Variants in FRMD4A observed in about 807,000 individuals in gnomAD.
FRMD4A encodes the protein FERM domain-containing protein 4A.
Under a neutral mutation model 129.1 loss-of-function variants are expected in FRMD4A, and 29 were observed. The observed-to-expected ratio is 0.22, with a 90% CI of 0.17 to 0.31. The LOEUF (loss-of-function observed/expected upper bound fraction) is 0.31, where lower values mean the gene tolerates loss of function less well. Ranked by LOEUF, FRMD4A falls within the 10% of genes least tolerant of loss-of-function variation. FRMD4A has a pLI of 1.00. For missense variants in FRMD4A, 1,272 were observed against 1,375.8 expected (o/e 0.92, Z 1.19); for synonymous variants, 634 against 571.6 (o/e 1.11, Z -1.56).
chr10:14,298,207 C>T (rs1401006083), intron 2 of FRMD4A, among the ~76,000 whole-genome samples: 2 of 152,190 alleles, frequency 1.3e-5, no homozygotes, highest in African/African-American at 4.8e-5. Flanking sequence ...CCATCCTCTG[C>T]ACCATATCAA....
intron 2 of FRMD4A, among the ~76,000 whole-genome samples, chr10:14,137,125 G>A (rs562404190): frequency 2.0e-5 from 3 of 152,360 alleles, no homozygotes; most frequent in East Asian, 1.9e-4. Context: ...GCAGACATGA[G>A]CAAATGTTCA....
chr10:13,969,143 G>A (rs972414339), intron 2 of FRMD4A, among the ~76,000 whole-genome samples: 19 of 152,278 alleles, frequency 1.2e-4, no homozygotes, highest in African/African-American at 2.6e-4. Context: ...CAGGCCCCTC[G>A]GCCTGGCTCT....
chr10:14,319,367 T>TCTCTCTCTCTCTCA (rs112041665), intron 2 of FRMD4A, among the ~76,000 whole-genome samples: 23 of 145,050 alleles, frequency 1.6e-4, no homozygotes, highest in African/African-American at 2.7e-4. Flanking sequence ...TCTCTCTCTC[T>TCTCTCTCTCTCTCA]CACACACACA....
rs1554916835 is a variant in FRMD4A, at chr10:13,818,341, A to AT, written c.112-7434dup. On this transcript the variant is annotated intron_variant, in intron 3 of 24. Transcript: ENST00000357447. ...ACCATGGCTGGCTAATTAAAAAAAA[A>AT]TTTTTTTTTGTAAAGATGGATTCTT... Among the ~76,000 whole-genome samples, 47 of 151,440 alleles carry AT rather than the reference A, an allele frequency of 3.1e-4. 1 individual carries two copies. The highest frequency in any genetic ancestry group is 2.3e-3 in the South Asian group (11 of 4,770).
At chr10:14,185,783 C>T (rs1376758670) in intron 2 of FRMD4A, among the ~76,000 whole-genome samples, 1 of 152,102 alleles carries the variant, frequency 6.6e-6, no homozygotes, top group Non-Finnish European at 1.5e-5. Flanking sequence ...CAGATACGTA[C>T]AATCCAGACT....
chr10:14,066,858 G>C (rs1458141252), intron 2 of FRMD4A, among the ~76,000 whole-genome samples: 1 of 152,146 alleles, frequency 6.6e-6, no homozygotes, highest in African/African-American at 2.4e-5. Flanking sequence ...ACTTCTTTCC[G>C]TTCCGACTAA....
intron 2 of FRMD4A, among the ~76,000 whole-genome samples, chr10:14,268,630 G>A (rs1845058968): frequency 1.3e-5 from 2 of 152,208 alleles, no homozygotes; most frequent in Admixed American, 1.3e-4. Flanking sequence ...AATATTTTGA[G>A]AAAGCCATTT....
intron 12 of FRMD4A, among the ~76,000 whole-genome samples, chr10:13,734,711 A>G (rs1157781311): frequency 6.6e-6 from 1 of 152,150 alleles, no homozygotes; most frequent in Non-Finnish European, 1.5e-5. Context: ...ACAGATTCCT[A>G]TTACACCACT....
At chr10:13,694,253 T>G (rs74121838) in intron 14 of FRMD4A, among the ~76,000 whole-genome samples, 2,436 of 152,320 alleles carry the variant, frequency 0.016, 56 homozygotes, top group African/African-American at 0.055. Context: ...CTGCATCAAT[T>G]GAGGATGTTC....
At chr10:14,052,855 C>T (rs982805397) in intron 2 of FRMD4A, among the ~76,000 whole-genome samples, 22 of 152,086 alleles carry the variant, frequency 1.4e-4, no homozygotes, top group South Asian at 4.1e-4. Flanking sequence ...TGAGCCACTG[C>T]GCTCAGCCAC....
intron 2 of FRMD4A, among the ~76,000 whole-genome samples, chr10:13,938,967 T>G (rs1033081754): frequency 6.6e-6 from 1 of 152,204 alleles, no homozygotes; most frequent in Non-Finnish European, 1.5e-5. Flanking sequence ...CAGCATCGGT[T>G]GATAGAGGCC....
intron 2 of FRMD4A, among the ~76,000 whole-genome samples, chr10:13,881,225 A>C (rs1284453619): frequency 6.8e-6 from 1 of 147,730 alleles, no homozygotes; most frequent in African/African-American, 2.5e-5. Flanking sequence ...AAGACCAGCC[A>C]AGGCAATCTA....
intron 5 of FRMD4A, among the ~76,000 whole-genome samples, chr10:13,789,850 A>C (rs1419325494): frequency 6.6e-6 from 1 of 150,432 alleles, no homozygotes; most frequent in Non-Finnish European, 1.5e-5. Context: ...ACAGTTAAGC[A>C]GAAGTCACAT....
chr10:14,031,243 T>C (rs961294205), intron 2 of FRMD4A, among the ~76,000 whole-genome samples: 1 of 151,490 alleles, frequency 6.6e-6, no homozygotes, highest in Non-Finnish European at 1.5e-5. Flanking sequence ...TAATCTTTAC[T>C]GCATCCTCCT....
At chr10:13,953,323 C>T (rs763562200) in intron 2 of FRMD4A, among the ~76,000 whole-genome samples, 26 of 152,142 alleles carry the variant, frequency 1.7e-4, no homozygotes, top group Non-Finnish European at 2.9e-4. Flanking sequence ...AGCTATGGCA[C>T]GATGCCCCCA....
chr10:13,827,651 C>T (rs939180688), intron 3 of FRMD4A, among the ~76,000 whole-genome samples: 3 of 152,172 alleles, frequency 2.0e-5, no homozygotes, highest in African/African-American at 7.2e-5. Context: ...CAGAAAATCA[C>T]GGTCAAGAAA....
intron 2 of FRMD4A, among the ~76,000 whole-genome samples, chr10:13,890,170 C>T (rs1038476056): frequency 1.3e-5 from 2 of 152,220 alleles, no homozygotes; most frequent in African/African-American, 4.8e-5. Context: ...AAGTCACACT[C>T]AAACATAAAT....
At chr10:13,799,359 T>C (rs1207524701) in intron 4 of FRMD4A, among the ~76,000 whole-genome samples, 1 of 152,194 alleles carries the variant, frequency 6.6e-6, no homozygotes, top group African/African-American at 2.4e-5. Context: ...GGTTTCACCG[T>C]GTTGCCCAGG....
chr10:14,076,918 G>C (rs1835644070), intron 2 of FRMD4A, among the ~76,000 whole-genome samples: 1 of 152,222 alleles, frequency 6.6e-6, no homozygotes, highest in Non-Finnish European at 1.5e-5. Flanking sequence ...GGGAGATTAT[G>C]AGTAAGGAAG....
Sources: gnomAD v4.1 joint callset for allele counts (sites outside exome capture counted in the v4.1 genomes callset) on GRCh38, gnomAD v4.1.1 for gene constraint, MANE v1.5 for transcripts, NCBI Gene and HGNC (gene_info 2026-07-23, HGNC 2026-07-21) for gene names.